Variants in SPATA13 observed in about 807,000 individuals in gnomAD.
SPATA13 encodes the protein spermatogenesis associated 13, also known as spermatogenesis-associated protein 13.
Under a neutral mutation model 104.0 loss-of-function variants are expected in SPATA13, and 50 were observed. That is an observed-to-expected ratio of 0.48 (90% CI 0.38 to 0.61). The LOEUF (loss-of-function observed/expected upper bound fraction) is 0.61. Among genes scored for constraint, SPATA13 ranks in the 20% least tolerant of loss-of-function variants. SPATA13 has a pLI of 0.00. For missense variants in SPATA13, 1,524 were observed against 1,690.6 expected, an observed-to-expected ratio of 0.90 and a Z score of 1.73; for synonymous variants, 606 against 667.5, an observed-to-expected ratio of 0.91 and a Z score of 1.42.
chr13:24,044,422 G>A (rs1317778438), intron 3 of SPATA13, among the ~76,000 whole-genome samples: 3 of 151,850 alleles, frequency 2.0e-5, no homozygotes, highest in Admixed American at 6.6e-5. Flanking sequence ...TAGTAGAGAC[G>A]GGGTTTCACC....
chr13:24,006,961 G>C (rs1876261239), intron 2 of SPATA13, among the ~76,000 whole-genome samples: 2 of 152,144 alleles, frequency 1.3e-5, no homozygotes, highest in African/African-American at 4.8e-5. Context: ...TGTCATTCTG[G>C]GCCAGCCTCC....
At chr13:24,111,074 A>AT (rs11295105) in intron 3 of SPATA13, among the ~76,000 whole-genome samples, 20 of 151,616 alleles carry the variant, frequency 1.3e-4, no homozygotes, top group East Asian at 3.9e-4. Flanking sequence ...TGTATGGCTG[A>AT]TTTTTTTTGT....
intron 3 of SPATA13, among the ~76,000 whole-genome samples, chr13:24,035,933 T>C (rs1314901451): frequency 6.6e-5 from 10 of 150,982 alleles, no homozygotes; most frequent in Non-Finnish European, 1.5e-4. Context: ...GAGAATCGCT[T>C]GAGCCCGGAG....
chr13:24,058,841 G>A (rs186960984), intron 3 of SPATA13, among the ~76,000 whole-genome samples: 6 of 151,826 alleles, frequency 4.0e-5, no homozygotes, highest in Admixed American at 6.6e-5. Context: ...TCAACCCCAC[G>A]GAAGTTGTCT....
intron 2 of SPATA13, among the ~76,000 whole-genome samples, chr13:24,010,911 G>T (rs1278548216): frequency 2.6e-5 from 4 of 151,614 alleles, no homozygotes; most frequent in Non-Finnish European, 5.9e-5. Flanking sequence ...CATGTCAAAT[G>T]GTTGCTAAAT....
Position 24,249,694 on chromosome 13 carries a change from C to A in SPATA13, c.1871C>A (p.Ala624Glu), listed in dbSNP as rs201659176. The A allele has an allele frequency of 3.4e-4, 548 of 1,613,492 alleles. No homozygotes were observed. The highest frequency in any genetic ancestry group is 4.4e-4 in the Non-Finnish European group (518 of 1,179,830). The change falls in exon 3 of 13, where the codon GCA becomes GAA. Residue 624 changes from alanine (A) to glutamate (E), a missense_variant. Ala to Glu is a moderately radical substitution (Grantham distance 107). Transcript: ENST00000382108. The stretch of plus-strand genomic sequence containing the variant: ...GACCGTGTGGACGAGGACCCCCAGG[C>A]AAGCATGACTTCTGCCAGCCCTGAA... ...KEDRVDEDPQ[A>E]SMTSASPEDQ... is the part of the protein sequence containing the mutation.
chr13:24,139,911 T>A lies in SPATA13; in HGVS notation c.-111-82908T>A, dbSNP rs555942505. On this transcript the variant is annotated intron_variant, in intron 3 of 14. Coordinates refer to the SPATA13 transcript ENST00000424834. The stretch of plus-strand genomic sequence containing the variant: ...TGAAACCCTGTCTCTACTAAAAAAT[T>A]CAAAACATTAGCTGGACGTGGTGGC... 2.0e-4 allele frequency among the ~76,000 whole-genome samples: 30 copies of A among 151,946 alleles called. 1 individual carries two copies. Among genetic ancestry groups the A allele is most frequent in the Admixed American group, 3.9e-4 (6 of 15,254 alleles).
intron 3 of SPATA13, among the ~76,000 whole-genome samples, chr13:24,038,658 C>T (rs1363277603): frequency 2.6e-5 from 4 of 152,142 alleles, no homozygotes; most frequent in Non-Finnish European, 5.9e-5. Flanking sequence ...TGCGCGAATG[C>T]AGCCACAAAC....
In SPATA13 at chr13:24,306,597, AG is replaced by A. The variant is rs1877591634; in HGVS notation, c.*3826del. ...GGATGCAATGAAAGTGGATTTCAAA[AG>A]GCTTTGGAAAAATAAGTGGAACATG... On this transcript the variant is annotated 3_prime_UTR_variant, in exon 13 of 13. Coordinates refer to ENST00000382108, the MANE Select transcript of SPATA13 (RefSeq NM_001166271.3). 6.6e-6 allele frequency: 1 copy of A among 152,218 alleles called. No individual in the cohort carries two copies. The highest frequency in any genetic ancestry group is 1.5e-5 in the Non-Finnish European group (1 of 68,030). 9.4% of individuals were successfully genotyped at this position (152,218 alleles called of 1,614,324 possible). A position where few individuals can be genotyped will look rare whatever the true frequency, so the allele number is the denominator to read the frequency against.
At chr13:24,177,059 C>G (rs908080836) in intron 1 of SPATA13, among the ~76,000 whole-genome samples, 1 of 152,148 alleles carries the variant, frequency 6.6e-6, no homozygotes, top group Non-Finnish European at 1.5e-5. Context: ...GCTGCCGCAC[C>G]CAGCCTGTAG....
At chr13:24,180,098 G>T (rs1283865088) in intron 1 of SPATA13, among the ~76,000 whole-genome samples, 1 of 152,180 alleles carries the variant, frequency 6.6e-6, no homozygotes, top group East Asian at 1.9e-4. Context: ...AGGCCGTGAA[G>T]ATTTTCTCCC....
intron 1 of SPATA13, among the ~76,000 whole-genome samples, chr13:24,169,774 A>G (rs1882892332): frequency 6.6e-6 from 1 of 152,178 alleles, no homozygotes; most frequent in African/African-American, 2.4e-5. Flanking sequence ...TTCTCAGTCT[A>G]GAGTCTTCTG....
intron 3 of SPATA13, among the ~76,000 whole-genome samples, chr13:24,090,591 C>T (rs1033279360): frequency 1.3e-5 from 2 of 152,214 alleles, no homozygotes; most frequent in African/African-American, 4.8e-5. Context: ...CATTCTGTTT[C>T]TCCCATCCCA....
rs1877418093 is a variant in SPATA13, at chr13:24,304,207, A to T, written c.*1434A>T. ...GTTCTTTATAAAAAAAGACCTTCAC[A>T]AAATATCTTGGCTTAGAGATAGCAG... On this transcript the variant is annotated 3_prime_UTR_variant, in exon 13 of 13. Coordinates refer to ENST00000382108, the MANE Select transcript of SPATA13 (RefSeq NM_001166271.3). The T allele has an allele frequency of 1.3e-5, 2 of 152,278 alleles. No individual in the cohort carries two copies. 9.4% of individuals were successfully genotyped at this position (152,278 alleles called of 1,614,324 possible).
At chr13:24,023,293 GTGTGTATGCAAATACACATGAATCT>G (rs1236939419) in intron 3 of SPATA13, among the ~76,000 whole-genome samples, 2 of 152,162 alleles carry the variant, frequency 1.3e-5, no homozygotes, top group South Asian at 2.1e-4. Flanking sequence ...GTATTCCATG[GTGTGTATGCAAATACACATGAATCT>G]TCTGTGAAAG....
At chr13:24,123,443 C>G in intron 3 of SPATA13, 2 of 1,472,990 alleles carry the variant, frequency 1.4e-6, no homozygotes, top group East Asian at 2.3e-5. Flanking sequence ...TGCATTCCAT[C>G]TGATCGTTAT....
intron 3 of SPATA13, among the ~76,000 whole-genome samples, chr13:24,087,299 C>T (rs1290063978): frequency 6.6e-6 from 1 of 152,138 alleles, no homozygotes; most frequent in African/African-American, 2.4e-5. Flanking sequence ...TGCTACCCAC[C>T]CCCTGCACAC....
intron 4 of SPATA13, among the ~76,000 whole-genome samples, chr13:24,273,717 A>G (rs556683042): frequency 1.3e-5 from 2 of 152,364 alleles, no homozygotes; most frequent in African/African-American, 4.8e-5. Context: ...AAAAGAGGTT[A>G]GTCTAACATG....
chr13:24,224,426 G>C lies in SPATA13; in HGVS notation c.1497G>C (p.Glu499Asp). Residue 499 changes from glutamate to aspartate, a missense_variant, in exon 2 of 13, where the codon GAG becomes GAC. Glu to Asp is a conservative substitution (Grantham distance 45). This residue lies in a region of SPATA13 where 1,089 missense variants were observed against 1,135.9 expected (regional missense o/e 0.96). Transcript: ENST00000382108. ...SNHSALSANS[E>D]ESEGRAEEPA... is the part of the protein sequence containing the mutation. ...ACAGTGCCCTGTCCGCGAATTCAGA[G>C]GAAAGTGAAGGAAGGGCAGAAGAGC... 1.9e-6 allele frequency: 3 copies of C among 1,551,726 alleles called. No homozygotes were observed. The highest frequency in any genetic ancestry group is 2.6e-6 in the Non-Finnish European group (3 of 1,147,008).
Sources: allele counts gnomAD v4.1 joint callset (sites outside exome capture counted in the v4.1 genomes callset), GRCh38; gene constraint gnomAD v4.1.1; regional missense constraint gnomAD v4.1.1; transcripts MANE v1.5; gene names NCBI Gene and HGNC (gene_info 2026-07-23, HGNC 2026-07-21).